The following HDAC9 variants were observed in gnomAD, a reference collection of about 807,000 sequenced individuals.
HDAC9 encodes MEF-2 interacting transcription repressor (MITR) protein.
In HDAC9, 41 loss-of-function variants were observed where a neutral mutation model predicts 139.4. That is an observed-to-expected ratio of 0.29 (90% CI 0.23 to 0.38). The LOEUF is 0.38. Ranked by LOEUF, HDAC9 falls within the 10% of genes least tolerant of loss-of-function variation. The probability of loss-of-function intolerance (pLI) is 1.00; values close to 1 mark genes in which losing one functional copy is unlikely to be tolerated. For synonymous variants in HDAC9, 517 were observed against 476.2 expected (o/e 1.09, Z -1.12); for missense variants, 1,147 against 1,297.0 (o/e 0.88, Z 1.78).
intron 24 of HDAC9, among the ~76,000 whole-genome samples, chr7:18,966,584 G>A (rs557099694): frequency 2.8e-4 from 43 of 152,036 alleles, no homozygotes; most frequent in East Asian, 1.9e-4. Context: ...ACCTGTAATC[G>A]CAGCTACTCA....
At chr7:18,483,802 GA>G (rs1795761656) in intron 1 of HDAC9, among the ~76,000 whole-genome samples, 1 of 152,048 alleles carries the variant, frequency 6.6e-6, no homozygotes, top group Non-Finnish European at 1.5e-5. Flanking sequence ...TTTATTACCA[GA>G]AAGGCTTATA....
At chr7:18,681,354 T>C (rs1324141332) in intron 12 of HDAC9, among the ~76,000 whole-genome samples, 1 of 152,064 alleles carries the variant, frequency 6.6e-6, no homozygotes, top group African/African-American at 2.4e-5. Flanking sequence ...TTTTAGCCTT[T>C]CTTTTAAAGT....
intron 12 of HDAC9, among the ~76,000 whole-genome samples, chr7:18,675,590 A>G (rs1781452050): frequency 6.6e-6 from 1 of 152,036 alleles, no homozygotes; most frequent in Non-Finnish European, 1.5e-5. Context: ...CTTACACTCA[A>G]TATCAATCTT....
At chr7:18,390,250 T>C (rs1270403727) in intron 1 of HDAC9, among the ~76,000 whole-genome samples, 2 of 152,082 alleles carry the variant, frequency 1.3e-5, no homozygotes, top group East Asian at 3.9e-4. Context: ...CACAATTCAG[T>C]AGTGTTTGCA....
chr7:18,763,705 A>G (rs1482952656), intron 15 of HDAC9, among the ~76,000 whole-genome samples: 7 of 152,162 alleles, frequency 4.6e-5, no homozygotes, highest in Admixed American at 2.6e-4. Context: ...TAAACCAGAC[A>G]TTTTAATTGT....
At chr7:18,813,355 T>C (rs1794327859) in intron 17 of HDAC9, among the ~76,000 whole-genome samples, 1 of 152,150 alleles carries the variant, frequency 6.6e-6, no homozygotes, top group African/African-American at 2.4e-5. Flanking sequence ...TCTTTGGTTA[T>C]CTATTGTTAC....
chr7:18,676,745 G>T, intron 12 of HDAC9, among the ~76,000 whole-genome samples: 1 of 151,440 alleles, frequency 6.6e-6, no homozygotes, highest in African/African-American at 2.4e-5. Context: ...ATCTTAAAAT[G>T]TATATATTTT....
At chr7:18,211,461 C>T (rs900054714) in intron 2 of HDAC9, among the ~76,000 whole-genome samples, 5 of 152,166 alleles carry the variant, frequency 3.3e-5, no homozygotes, top group East Asian at 1.9e-4. Flanking sequence ...GTGAAAATGA[C>T]GTGCTTCTGT....
chr7:18,785,620 A>G (rs896403385), intron 16 of HDAC9, among the ~76,000 whole-genome samples: 17 of 152,226 alleles, frequency 1.1e-4, no homozygotes, highest in African/African-American at 4.1e-4. Context: ...ATACCGTGAA[A>G]GAAAAAACAT....
At chr7:18,682,165 C>T (rs899749376) in intron 12 of HDAC9, among the ~76,000 whole-genome samples, 1 of 151,968 alleles carries the variant, frequency 6.6e-6, no homozygotes, top group Non-Finnish European at 1.5e-5. Flanking sequence ...TTTCCACATG[C>T]AAAGTATAAA....
intron 13 of HDAC9, among the ~76,000 whole-genome samples, chr7:18,728,303 A>G (rs1456484023): frequency 6.6e-6 from 1 of 151,892 alleles, no homozygotes; most frequent in East Asian, 1.9e-4. Context: ...TTTTCGACCA[A>G]CCTCTTCCTT....
rs1042881776 is a variant in HDAC9, at chr7:18,175,776, C to G, written c.25+13427C>G. ...CTGTAAAATTATTTTTAACCCCCCC[C>G]CCCCTTTTTTTAGAATAACTTCCTG... On this transcript the variant is annotated intron_variant, in intron 2 of 12. Transcript: ENST00000417496. Among the ~76,000 whole-genome samples, 3 of 142,134 alleles carry G rather than the reference C, an allele frequency of 2.1e-5. No individual in the cohort carries two copies. The Admixed American group carries it at 2.1e-4, about 10-fold the overall frequency. The allele number at this position is 142,134 out of a possible 152,430, so 93.2% of individuals were successfully genotyped here.
At chr7:18,137,774 G>T (rs945125295) in intron 1 of HDAC9, among the ~76,000 whole-genome samples, 11 of 152,024 alleles carry the variant, frequency 7.2e-5, no homozygotes, top group Non-Finnish European at 1.0e-4. Context: ...CTCTTTTTTG[G>T]TTGTGTCTCT....
At chr7:18,813,683 T>G (rs1794355773) in intron 17 of HDAC9, among the ~76,000 whole-genome samples, 1 of 152,204 alleles carries the variant, frequency 6.6e-6, no homozygotes, top group East Asian at 1.9e-4. Context: ...GGAAACTACC[T>G]TGTTTTCAAC....
rs529646874 is a variant in HDAC9, at chr7:18,559,867, T to G, written c.23-25414T>G. ...AAAAATGTCTGTATGTTAGAAGCAG[T>G]AATGCTGGCTATACCACCTAAATAT... On this transcript the variant is annotated intron_variant, in intron 2 of 25. Transcript: ENST00000686413. Among the ~76,000 whole-genome samples the G allele has an allele frequency of 2.0e-5, 3 of 152,332 alleles. No homozygotes were observed. The South Asian group carries it at 6.2e-4, about 32-fold the overall frequency.
At position 18,954,366 on chromosome 7, in the gene HDAC9, G is replaced by A. The variant is rs1449924172; in HGVS notation, c.3022+136G>A. On this transcript the variant is annotated intron_variant, in intron 24 of 25. Transcript: ENST00000686413. ...TGCGTTCTTAAGTATATATCTTAAT[G>A]TGTTGCTCTTAATGCAGCAATCTTA... The A allele has an allele frequency of 1.3e-5, 9 of 688,446 alleles. No individual in the cohort carries two copies. The Admixed American group carries it at 2.7e-4, about 21-fold the overall frequency. The allele number at this position is 688,446 out of a possible 1,614,324, so 42.6% of individuals were successfully genotyped here.
chr7:18,735,732 C>T (rs1786823786), intron 13 of HDAC9, among the ~76,000 whole-genome samples: 1 of 152,138 alleles, frequency 6.6e-6, no homozygotes, highest in Admixed American at 6.5e-5. Flanking sequence ...TTTTCTGGTT[C>T]CATACAAAAT....
At chr7:18,155,364 T>C (rs1440066251) in intron 1 of HDAC9, among the ~76,000 whole-genome samples, 1 of 152,124 alleles carries the variant, frequency 6.6e-6, no homozygotes, top group African/African-American at 2.4e-5. Context: ...CTAAGCCCAG[T>C]GTTTAAAAAT....
intron 22 of HDAC9, among the ~76,000 whole-genome samples, chr7:18,916,036 A>AAAC (rs1803178729): frequency 6.6e-6 from 1 of 151,376 alleles, no homozygotes. Context: ...AAAAAAAAAA[A>AAAC]AACAGAAAAA....
Sources: allele counts gnomAD v4.1 joint callset (sites outside exome capture counted in the v4.1 genomes callset), GRCh38; gene constraint gnomAD v4.1.1; transcripts MANE v1.5; gene names NCBI Gene and HGNC (gene_info 2026-07-23, HGNC 2026-07-21).